Variants in CRTAC1 observed in about 807,000 individuals in gnomAD.
CRTAC1 encodes acidic secreted protein in cartilage.
A neutral mutation model predicts 67.8 loss-of-function variants in CRTAC1; 37 were observed. The observed-to-expected ratio is 0.55, with a 90% CI of 0.42 to 0.72. The LOEUF (loss-of-function observed/expected upper bound fraction) is 0.72, where lower values mean the gene tolerates loss of function less well. Ranked by LOEUF, CRTAC1 falls within the 30% of genes least tolerant of loss-of-function variation. CRTAC1 has a pLI of 0.00. For missense variants in CRTAC1, 780 were observed against 931.6 expected (o/e 0.84, Z 2.12); for synonymous variants, 348 against 371.0 (o/e 0.94, Z 0.71).
At chr10:97,966,993 A>C (rs1337169537) in intron 2 of CRTAC1, among the ~76,000 whole-genome samples, 437 of 129,482 alleles carry the variant, frequency 3.4e-3, no homozygotes, top group African/African-American at 0.011. Flanking sequence ...TTGTAAAGTC[A>C]CCCCCCCCCC....
At chr10:97,897,348 A>T (rs1180095384) in intron 8 of CRTAC1, among the ~76,000 whole-genome samples, 1 of 152,148 alleles carries the variant, frequency 6.6e-6, no homozygotes, top group Non-Finnish European at 1.5e-5. Context: ...GATGCTACCC[A>T]GGGTTTAACC....
chr10:97,865,425 T>C lies in CRTAC1; in HGVS notation c.*123A>G, dbSNP rs114355950. The C allele has an allele frequency of 2.0e-3, 2,357 of 1,193,634 alleles. 41 individuals carry two copies. The African/African-American group carries it at 0.029, about 15-fold the overall frequency. The allele number at this position is 1,193,634 out of a possible 1,614,324, so 73.9% of individuals were successfully genotyped here. ...CTAATTGTTAGCTAAGTAATGTGCATGGATGGGCTTGGGGAGGGTCTAGCT... is the reference window on the plus strand; with the variant it reads ...CTAATTGTTAGCTAAGTAATGTGCACGGATGGGCTTGGGGAGGGTCTAGCT... On this transcript the variant is annotated 3_prime_UTR_variant, in exon 15 of 15. Coordinates refer to ENST00000370597, the MANE Select transcript of CRTAC1 (RefSeq NM_018058.7).
intron 2 of CRTAC1, among the ~76,000 whole-genome samples, chr10:97,950,252 G>C (rs879438049): frequency 0.03 from 4,122 of 138,112 alleles, 95 homozygotes; most frequent in East Asian, 0.081. Context: ...CACACAGAGA[G>C]AGAGAGAGAG....
intron 3 of CRTAC1, among the ~76,000 whole-genome samples, chr10:97,930,610 G>T (rs1237340586): frequency 1.3e-5 from 2 of 152,190 alleles, no homozygotes; most frequent in Non-Finnish European, 2.9e-5. Flanking sequence ...CAGACTTGGA[G>T]TAGTGAGGTG....
chr10:97,935,107 G>T (rs887295355), intron 3 of CRTAC1, among the ~76,000 whole-genome samples: 1 of 152,152 alleles, frequency 6.6e-6, no homozygotes, highest in African/African-American at 2.4e-5. Context: ...GAGGAAAGCC[G>T]TAGAGCATCT....
chr10:97,994,072 G>C (rs1489301327), intron 2 of CRTAC1, among the ~76,000 whole-genome samples: 1 of 152,082 alleles, frequency 6.6e-6, no homozygotes, highest in Non-Finnish European at 1.5e-5. Context: ...GGCCAGGCTG[G>C]TCTTGAAGTC....
rs1245886646 is a variant in CRTAC1 at position 97,895,426 on chromosome 10, T to C, written c.1318-13A>G. On this transcript the variant is annotated splice_polypyrimidine_tract_variant and intron_variant, in intron 10 of 14. Transcript: ENST00000370597. This position sits in a 1 kb window ranked among gnomAD's most constrained non-coding sequence, Gnocchi z 4.2. ...TGTTGTTGAAGCCCTGCAGAGAGGG[T>C]GAGAGGCAGACACCCGGTGGGCATC... The C allele has an allele frequency of 7.6e-6, 12 of 1,575,408 alleles. No homozygotes were observed. The highest frequency in any genetic ancestry group is 1.0e-5 in the Non-Finnish European group (12 of 1,162,554).
intron 5 of CRTAC1, among the ~76,000 whole-genome samples, chr10:97,912,003 GAC>G (rs1393016354): frequency 6.6e-6 from 1 of 152,224 alleles, no homozygotes; most frequent in African/African-American, 2.4e-5. Flanking sequence ...GGTTGTGGGA[GAC>G]ACCACGGCAC....
intron 2 of CRTAC1, among the ~76,000 whole-genome samples, chr10:97,970,320 C>T (rs571866767): frequency 3.3e-4 from 50 of 152,312 alleles, no homozygotes; most frequent in Middle Eastern, 3.4e-3. Flanking sequence ...TCAGTCTATT[C>T]TCAACATGAA....
chr10:97,874,130 C>T (rs1042435082), intron 14 of CRTAC1, among the ~76,000 whole-genome samples: 3 of 152,178 alleles, frequency 2.0e-5, no homozygotes, highest in Non-Finnish European at 2.9e-5. Flanking sequence ...GCCGGCAACC[C>T]GGCAGGAAAA....
intron 2 of CRTAC1, among the ~76,000 whole-genome samples, chr10:97,938,558 T>A (rs1053872439): frequency 2.6e-5 from 4 of 152,188 alleles, no homozygotes; most frequent in Admixed American, 6.5e-5. Context: ...CCAAACCCCA[T>A]GTTCTTTCCG....
intron 7 of CRTAC1, among the ~76,000 whole-genome samples, chr10:97,902,193 CCTTCCCCATCAGTAATGTGGGAA>C (rs2050551313): frequency 6.6e-6 from 1 of 152,194 alleles, no homozygotes; most frequent in African/African-American, 2.4e-5. Flanking sequence ...TTGGATCTCA[CCTTCCCCATCAGTAATGTGGGAA>C]TAGTAATAGC....
chr10:97,972,503 C>T lies in CRTAC1; in HGVS notation c.225-36137G>A, dbSNP rs143772938. 9.2e-5 allele frequency among the ~76,000 whole-genome samples: 14 copies of T among 152,190 alleles called. No individual in the cohort carries two copies. In the East Asian group the frequency reaches 1.7e-3, roughly 19 times the overall value. On this transcript the variant is annotated intron_variant, in intron 2 of 14. Coordinates refer to ENST00000370597, the MANE Select transcript of CRTAC1 (RefSeq NM_018058.7). ...TGGAAACTGGGCTCTGCCTCTGATA[C>T]GAGAAAGTTAAACCTGTACTCGAAA... is the stretch of plus-strand genomic sequence containing the variant.
chr10:97,885,719 T>C (rs996892050), intron 11 of CRTAC1, among the ~76,000 whole-genome samples: 1 of 152,054 alleles, frequency 6.6e-6, no homozygotes, highest in Non-Finnish European at 1.5e-5. Context: ...AGGAGAGCTG[T>C]GCCCAGCACA....
intron 2 of CRTAC1, among the ~76,000 whole-genome samples, chr10:97,954,902 T>G (rs1365153682): frequency 6.6e-6 from 1 of 152,190 alleles, no homozygotes; most frequent in Non-Finnish European, 1.5e-5. Flanking sequence ...TCTCAAGATC[T>G]TGACCTTCAT....
At chr10:97,884,810 A>G (rs540711556) in intron 11 of CRTAC1, among the ~76,000 whole-genome samples, 1 of 152,342 alleles carries the variant, frequency 6.6e-6, no homozygotes, top group Admixed American at 6.5e-5. Context: ...TGTGATAAGC[A>G]GGTTGTCTTT....
At chr10:97,928,016 GC>G (rs2050947895) in intron 3 of CRTAC1, among the ~76,000 whole-genome samples, 1 of 152,216 alleles carries the variant, frequency 6.6e-6, no homozygotes, top group Non-Finnish European at 1.5e-5. Context: ...ACTGTTAGGA[GC>G]AGGAGAGAGG....
At chr10:97,880,211 T>C in intron 14 of CRTAC1, 38 bp downstream of exon 14, 1 of 1,606,988 alleles carries the variant, frequency 6.2e-7, no homozygotes, top group Non-Finnish European at 8.5e-7. Flanking sequence ...GAAAGCAACA[T>C]CCTTTTGCTA....
chr10:98,029,279 CAT>C lies in CRTAC1; in HGVS notation c.24+1168_24+1169del, dbSNP rs1843307450. Among the ~76,000 whole-genome samples, 1 of 152,176 alleles carries C rather than the reference CAT, an allele frequency of 6.6e-6. No homozygotes were observed. Among genetic ancestry groups the C allele is most frequent in the Admixed American group, 6.5e-5 (1 of 15,280 alleles). On this transcript the variant is annotated intron_variant, in intron 1 of 14. Transcript: ENST00000370597. This position sits in a 1 kb window ranked among gnomAD's most constrained non-coding sequence, Gnocchi z 4.7. ...TCCGTCAATCGCTTATCTCTTCCCACATGAGTTCTCCCCTGACTCAAGAAAAC... is the reference window on the plus strand; with the variant it reads ...TCCGTCAATCGCTTATCTCTTCCCACGAGTTCTCCCCTGACTCAAGAAAAC...
Sources: gnomAD v4.1 joint callset for allele counts (sites outside exome capture counted in the v4.1 genomes callset) on GRCh38, gnomAD v4.1.1 for gene constraint, Gnocchi (gnomAD v3.1) non-coding constraint, MANE v1.5 for transcripts, NCBI Gene and HGNC (gene_info 2026-07-23, HGNC 2026-07-21) for gene names.